MED10: variants seen among roughly 807,000 people sequenced by gnomAD.
MED10 encodes the protein mediator of RNA polymerase II transcription subunit 10.
A neutral mutation model predicts 17.2 loss-of-function variants in MED10; 9 were observed. The observed-to-expected ratio is 0.52, with a 90% confidence interval of 0.31 to 0.91. The LOEUF (loss-of-function observed/expected upper bound fraction) is 0.91, where lower values mean the gene tolerates loss of function less well. MED10 is among the 40% of genes least tolerant of loss of function. MED10 has a pLI of 0.04. For missense variants in MED10, 129 were observed against 164.8 expected, an observed-to-expected ratio of 0.78 and a Z score of 1.19; for synonymous variants, 66 against 59.8, an observed-to-expected ratio of 1.10 and a Z score of -0.48.
chr5:6,377,292 T>G, intron 1 of MED10, 43 bp from the exon 2 acceptor site: 1 of 1,489,902 alleles, frequency 6.7e-7, no homozygotes, highest in Non-Finnish European at 9.3e-7. Context: ...TAATTTCGCT[T>G]GACAGCATAA....
At chr5:6,377,598 A>G (rs1349063884) in intron 1 of MED10, among the ~76,000 whole-genome samples, 1 of 152,214 alleles carries the variant, frequency 6.6e-6, no homozygotes. Context: ...GCAGCGGACT[A>G]TACTCAAAGT....
chr5:6,375,223 T>C (rs1737967268), intron 2 of MED10, among the ~76,000 whole-genome samples: 1 of 152,202 alleles, frequency 6.6e-6, no homozygotes, highest in Non-Finnish European at 1.5e-5. Flanking sequence ...GCAGGCCACC[T>C]ACCTTTTTCT....
In MED10 at chr5:6,374,401, G is replaced by C; in HGVS notation, c.232C>G (p.Gln78Glu). ...FEYIDQGRNPQLYTKECLERA... is the reference protein window; with the variant it reads ...FEYIDQGRNPELYTKECLERA... Reference sequence around the variant, plus strand: ...TCCAGGCACTCTTTGGTGTAGAGCTGGGGATTTCGACCTTGATCTATATAT... The same window carrying C: ...TCCAGGCACTCTTTGGTGTAGAGCTCGGGATTTCGACCTTGATCTATATAT... Residue 78 changes from glutamine (Q) to glutamate (E), a missense_variant, in exon 3 of 4, where the codon CAG becomes GAG. Gln to Glu is a conservative substitution (Grantham distance 29). Coordinates refer to ENST00000255764, the MANE Select transcript of MED10 (RefSeq NM_032286.3). 6.2e-7 allele frequency: 1 copy of C among 1,609,276 alleles called. No individual in the cohort carries two copies. Among genetic ancestry groups the C allele is most frequent in the Non-Finnish European group, 8.5e-7 (1 of 1,177,850 alleles).
At chr5:6,372,701 C>A in intron 3 of MED10, 100 bp from the exon 4 acceptor site, 2 of 866,560 alleles carry the variant, frequency 2.3e-6, no homozygotes, top group East Asian at 2.6e-5. Context: ...GCCCACTAAG[C>A]AATACAGGGC....
intron 3 of MED10, among the ~76,000 whole-genome samples, chr5:6,373,649 A>G (rs1475400462): frequency 6.6e-6 from 1 of 152,190 alleles, no homozygotes; most frequent in Non-Finnish European, 1.5e-5. Context: ...GGGAGGAGGA[A>G]GAGGCACCTA....
chr5:6,373,875 G>A (rs1737940240), intron 3 of MED10, among the ~76,000 whole-genome samples: 1 of 152,232 alleles, frequency 6.6e-6, no homozygotes, highest in Middle Eastern at 3.2e-3. Context: ...TAAGTGATCT[G>A]GGGAATTTCA....
In MED10 at chr5:6,372,440, G is replaced by A. The variant is rs1294831044; in HGVS notation, c.*63C>T. The A allele has an allele frequency of 3.6e-5, 50 of 1,399,678 alleles. No homozygotes were observed. Among genetic ancestry groups the A allele is most frequent in the Admixed American group, 1.3e-4 (8 of 59,408 alleles). 86.7% of individuals were successfully genotyped at this position (1,399,678 alleles called of 1,614,324 possible). A position where few individuals can be genotyped will look rare whatever the true frequency, so the allele number is the denominator to read the frequency against. ...CAGCAGGAAGGTGGCGTCAGCACTC[G>A]CAGTCCCAGCCTCACGCCGCATCGC... On this transcript the variant is annotated 3_prime_UTR_variant, in exon 4 of 4. Transcript: ENST00000255764.
rs928468906 is a variant in MED10, at chr5:6,372,094, G to A, written c.*409C>T. The stretch of plus-strand genomic sequence containing the variant: ...TTTTTTAAAAAAATTTTTCCTAGTC[G>A]TTATTTAGCTTTCGGACACCATAAT... On this transcript the variant is annotated 3_prime_UTR_variant, in exon 4 of 4. Coordinates refer to ENST00000255764, the MANE Select transcript of MED10 (RefSeq NM_032286.3). 1.9e-5 allele frequency: 3 copies of A among 156,984 alleles called. No individual in the cohort carries two copies. Among genetic ancestry groups the A allele is most frequent in the Admixed American group, 6.5e-5 (1 of 15,450 alleles). 9.7% of individuals were successfully genotyped at this position (156,984 alleles called of 1,614,324 possible). A position where few individuals can be genotyped will look rare whatever the true frequency, so the allele number is the denominator to read the frequency against.
At chr5:6,373,891 A>G (rs2455146) in intron 3 of MED10, among the ~76,000 whole-genome samples, 77,175 of 152,088 alleles carry the variant, frequency 0.51, 19,824 homozygotes, top group African/African-American at 0.55. Context: ...TTTCATGACA[A>G]TGGATATGGT....
At chr5:6,374,177 T>C (rs1737947341) in intron 3 of MED10, 147 bp downstream of exon 3, 2 of 598,964 alleles carry the variant, frequency 3.3e-6, no homozygotes, top group African/African-American at 3.7e-5. Context: ...TTTTACTTAC[T>C]GCCTATTACA....
intron 2 of MED10, among the ~76,000 whole-genome samples, chr5:6,375,196 C>T (rs1737966291): frequency 6.6e-6 from 1 of 152,120 alleles, no homozygotes; most frequent in South Asian, 2.1e-4. Flanking sequence ...TAGATCAATA[C>T]CTATATTTTA....
intron 2 of MED10, 112 bp downstream of exon 2, chr5:6,377,054 G>A (rs1219570946): frequency 3.5e-6 from 2 of 568,218 alleles, no homozygotes; most frequent in Admixed American, 3.7e-5. Flanking sequence ...CAGCACCCAG[G>A]CTGTGCCTAC....
At position 6,374,981 on chromosome 5, in the gene MED10, A is replaced by G. The variant is rs914541337; in HGVS notation, c.207-555T>C. Among the ~76,000 whole-genome samples the G allele has an allele frequency of 2.0e-5, 3 of 152,164 alleles. No homozygotes were observed. In the East Asian group the frequency reaches 5.8e-4, roughly 29 times the overall value. Reference sequence around the variant, plus strand: ...AAGAGCCCCAGCCCTGACGACCCCAAGATCCTTTTACAAACCATTCCACTG... The same window carrying G: ...AAGAGCCCCAGCCCTGACGACCCCAGGATCCTTTTACAAACCATTCCACTG... On this transcript the variant is annotated intron_variant, in intron 2 of 3. Transcript: ENST00000255764.
chr5:6,372,443 G>T lies in MED10; in HGVS notation c.*60C>A. ...CAGGAAGGTGGCGTCAGCACTCGCA[G>T]TCCCAGCCTCACGCCGCATCGCAGT... is the stretch of plus-strand genomic sequence containing the variant. On this transcript the variant is annotated 3_prime_UTR_variant, in exon 4 of 4. Coordinates refer to ENST00000255764, the MANE Select transcript of MED10 (RefSeq NM_032286.3). The T allele has an allele frequency of 6.9e-7, 1 of 1,445,896 alleles. No individual in the cohort carries two copies. The highest frequency in any genetic ancestry group is 9.7e-7 in the Non-Finnish European group (1 of 1,027,874). 89.6% of individuals were successfully genotyped at this position (1,445,896 alleles called of 1,614,324 possible).
chr5:6,376,828 A>T (rs192029435), intron 2 of MED10: 2 of 166,946 alleles, frequency 1.2e-5, no homozygotes, highest in African/African-American at 4.7e-5. Context: ...AGGAAAAAAG[A>T]AAGTTTTGTG....
chr5:6,378,061 G>A (rs1405749025), intron 1 of MED10, among the ~76,000 whole-genome samples: 1 of 152,208 alleles, frequency 6.6e-6, no homozygotes, highest in Non-Finnish European at 1.5e-5. Flanking sequence ...CATGAGAGGG[G>A]AGACGCTAGA....
chr5:6,374,220 A>C (rs1439332384), intron 3 of MED10, 104 bp downstream of exon 3: 8 of 750,310 alleles, frequency 1.1e-5, no homozygotes, highest in South Asian at 1.5e-5. Flanking sequence ...GAAGTTATGA[A>C]AGTCAATATT....
In MED10 at chr5:6,372,557, C is replaced by T. The variant is rs151062073; in HGVS notation, c.354G>A (p.Pro118=). The T allele has an allele frequency of 2.0e-4, 328 of 1,614,038 alleles. No individual in the cohort carries two copies. Among genetic ancestry groups the T allele is most frequent in the Middle Eastern group, 3.3e-4 (2 of 6,074 alleles). ...TGCTTCGATACTTAGCCATGTCTTC[C>T]GGAAATACTTTAGAAAGTTCTTGAA... ...LLIQELSKVF[P]EDMAKYRSIR... Residue 118 remains proline, a synonymous_variant, in exon 4 of 4, where the codon CCG becomes CCA. Coordinates refer to ENST00000255764, the MANE Select transcript of MED10 (RefSeq NM_032286.3).
Position 6,372,019 on chromosome 5 carries a change from T to C in MED10, c.*484A>G, listed in dbSNP as rs984474270. 6.5e-6 allele frequency: 1 copy of C among 153,018 alleles called. No individual in the cohort carries two copies. Among genetic ancestry groups the C allele is most frequent in the Non-Finnish European group, 1.5e-5 (1 of 68,634 alleles). The allele number at this position is 153,018 out of a possible 1,614,324, so 9.5% of individuals were successfully genotyped here. On this transcript the variant is annotated 3_prime_UTR_variant, in exon 4 of 4. Coordinates refer to ENST00000255764, the MANE Select transcript of MED10 (RefSeq NM_032286.3). ...ATTCTTTATGCACTATACTTGAAAA[T>C]GTAAAATATAATACCACTTAAGTAC...
Sources: allele counts gnomAD v4.1 joint callset (sites outside exome capture counted in the v4.1 genomes callset), GRCh38; gene constraint gnomAD v4.1.1; transcripts MANE v1.5; gene names NCBI Gene and HGNC (gene_info 2026-07-23, HGNC 2026-07-21).